The following LRRC7 variants were observed in gnomAD, a reference collection of about 807,000 sequenced individuals.
LRRC7 encodes the protein leucine rich repeat containing 7.
Under a neutral mutation model 175.7 loss-of-function variants are expected in LRRC7, and 23 were observed. The ratio of observed to expected loss-of-function variants is 0.13; its 90% CI spans 0.09 to 0.19. The LOEUF (loss-of-function observed/expected upper bound fraction) is 0.19. Ranked by LOEUF, LRRC7 falls within the 10% of genes least tolerant of loss-of-function variation. The pLI is 1.00. For synonymous variants in LRRC7, 685 were observed against 680.9 expected, an observed-to-expected ratio of 1.01 and a Z score of -0.09; for missense variants, 1,354 against 1,904.7, an observed-to-expected ratio of 0.71 and a Z score of 5.38.
chr1:69,771,464 G>A (rs1402236743), intron 3 of LRRC7, among the ~76,000 whole-genome samples: 1 of 152,060 alleles, frequency 6.6e-6, no homozygotes, highest in Non-Finnish European at 1.5e-5. Context: ...TCTTCTACAA[G>A]TTTATAATGA....
intron 14 of LRRC7, among the ~76,000 whole-genome samples, chr1:70,017,827 AAAT>A (rs768408663): frequency 1.7e-3 from 265 of 152,256 alleles, no homozygotes; most frequent in Non-Finnish European, 2.7e-3. Flanking sequence ...ATATCATCAT[AAAT>A]AATTTCTGGA....
intron 17 of LRRC7, 92 bp from the exon 18 acceptor site, chr1:70,028,079 T>A (rs1658315836): frequency 4.6e-6 from 5 of 1,096,452 alleles, no homozygotes; most frequent in Non-Finnish European, 6.8e-6. Flanking sequence ...TGTATTGCAT[T>A]TGATTATACT....
intron 18 of LRRC7, among the ~76,000 whole-genome samples, chr1:70,028,876 T>G (rs1658406266): frequency 6.6e-6 from 1 of 152,168 alleles, no homozygotes; most frequent in African/African-American, 2.4e-5. Context: ...TCTAGTCATG[T>G]GAAGCTTAAT....
intron 26 of LRRC7, among the ~76,000 whole-genome samples, chr1:70,117,071 GT>G (rs1444809273): frequency 1.3e-5 from 2 of 152,180 alleles, no homozygotes; most frequent in Non-Finnish European, 2.9e-5. Flanking sequence ...CAAAATTTAT[GT>G]GTACTGGTCC....
intron 2 of LRRC7, among the ~76,000 whole-genome samples, chr1:69,684,010 A>T (rs1240808941): frequency 2.0e-5 from 3 of 152,198 alleles, no homozygotes; most frequent in Non-Finnish European, 4.4e-5. Flanking sequence ...TCATAAAGGA[A>T]TCAGAACAAT....
rs115117349 is a variant in LRRC7, at chr1:70,063,910, T to C, written c.4230+10765T>C. On this transcript the variant is annotated intron_variant, in intron 23 of 26. Coordinates refer to ENST00000651989, the MANE Select transcript of LRRC7 (RefSeq NM_001370785.2). Reference sequence around the variant, plus strand: ...CATAGGAGAATGTACTTATAGAGATTCAATATGCCAGAGATGACTGCCTTT... The same window carrying C: ...CATAGGAGAATGTACTTATAGAGATCCAATATGCCAGAGATGACTGCCTTT... Among the ~76,000 whole-genome samples the C allele has an allele frequency of 8.6e-3, 1,301 of 152,092 alleles. 12 individuals are homozygous for C. The highest frequency in any genetic ancestry group is 0.03 in the African/African-American group (1,227 of 41,528).
intron 1 of LRRC7, among the ~76,000 whole-genome samples, chr1:69,674,515 A>G (rs1453522938): frequency 6.6e-6 from 1 of 152,140 alleles, no homozygotes; most frequent in African/African-American, 2.4e-5. Flanking sequence ...AAATATTTTA[A>G]TTGTTTCTAA....
chr1:69,821,340 T>G (rs1366552163), intron 4 of LRRC7, among the ~76,000 whole-genome samples: 1 of 152,140 alleles, frequency 6.6e-6, no homozygotes, highest in Non-Finnish European at 1.5e-5. Flanking sequence ...TAGCATTTGT[T>G]TTTCCTGCTT....
intron 8 of LRRC7, among the ~76,000 whole-genome samples, chr1:69,934,870 T>A (rs918209231): frequency 2.0e-4 from 30 of 151,930 alleles, no homozygotes; most frequent in African/African-American, 6.8e-4. Context: ...ACTGCCTCTC[T>A]CCTCCCCTCC....
At chr1:69,874,284 AC>A (rs1161555753) in intron 7 of LRRC7, 5 of 152,206 alleles carry the variant, frequency 3.3e-5, no homozygotes, top group African/African-American at 1.2e-4. Context: ...TAAATAAATA[AC>A]AATCGACATA....
chr1:69,809,841 A>ATCT (rs762250123), intron 4 of LRRC7, among the ~76,000 whole-genome samples: 3 of 152,154 alleles, frequency 2.0e-5, no homozygotes, highest in Non-Finnish European at 4.4e-5. Flanking sequence ...AACTGGAAGC[A>ATCT]TTCCCTTTTT....
intron 4 of LRRC7, among the ~76,000 whole-genome samples, chr1:69,801,152 T>A (rs1676435181): frequency 6.6e-6 from 1 of 151,884 alleles, no homozygotes; most frequent in Non-Finnish European, 1.5e-5. Context: ...TTTGCATCTA[T>A]GTTCACAAGG....
chr1:69,832,832 C>T (rs557133749), intron 5 of LRRC7, among the ~76,000 whole-genome samples: 49 of 152,190 alleles, frequency 3.2e-4, no homozygotes, highest in South Asian at 1.9e-3. Context: ...AGGTCAGGCA[C>T]GGTGGCTCAT....
intron 7 of LRRC7, among the ~76,000 whole-genome samples, chr1:69,890,075 G>A (rs1340090232): frequency 2.0e-5 from 3 of 152,084 alleles, no homozygotes; most frequent in African/African-American, 4.8e-5. Context: ...TTATGTTAAT[G>A]TTGATAGTTT....
chr1:69,680,053 A>G (rs1411691453), intron 2 of LRRC7, among the ~76,000 whole-genome samples: 1 of 152,146 alleles, frequency 6.6e-6, no homozygotes, highest in Non-Finnish European at 1.5e-5. Context: ...GGTCTTCATA[A>G]AAAATCTTTT....
chr1:69,816,807 G>A (rs12026556), intron 4 of LRRC7, among the ~76,000 whole-genome samples: 10,385 of 151,856 alleles, frequency 0.068, 470 homozygotes, highest in East Asian at 0.22. Flanking sequence ...CTCATTACCC[G>A]CACTCCCCAG....
At chr1:69,910,752 G>A (rs1000529613) in intron 7 of LRRC7, among the ~76,000 whole-genome samples, 1 of 152,228 alleles carries the variant, frequency 6.6e-6, no homozygotes, top group Non-Finnish European at 1.5e-5. Context: ...ATTTAAGTCT[G>A]CAGAGGTTAC....
At chr1:69,978,211 A>G (rs1442745790) in intron 8 of LRRC7, among the ~76,000 whole-genome samples, 1 of 151,438 alleles carries the variant, frequency 6.6e-6, no homozygotes, top group Non-Finnish European at 1.5e-5. Context: ...TGAACCCAGG[A>G]GGCAGAGGTT....
At chr1:69,927,638 A>C (rs1006164014) in intron 7 of LRRC7, among the ~76,000 whole-genome samples, 4 of 151,994 alleles carry the variant, frequency 2.6e-5, no homozygotes, top group Non-Finnish European at 4.4e-5. Context: ...GTAGTTCTCG[A>C]GCCTTGGCTT....
Sources: allele counts gnomAD v4.1 joint callset (sites outside exome capture counted in the v4.1 genomes callset), GRCh38; gene constraint gnomAD v4.1.1; transcripts MANE v1.5; gene names NCBI Gene and HGNC (gene_info 2026-07-23, HGNC 2026-07-21).